The following CNOT2 variants were observed in gnomAD, a reference collection of about 807,000 sequenced individuals.
CNOT2 encodes the protein CC chemokine receptor 4-negative regulator of transcription 2.
CNOT2 carries 7 observed loss-of-function variants against 72.1 expected under a neutral mutation model. That is an observed-to-expected ratio of 0.10 (90% CI 0.06 to 0.18). The LOEUF (loss-of-function observed/expected upper bound fraction) is 0.18. Among genes scored for constraint, CNOT2 ranks in the 10% least tolerant of loss-of-function variants. CNOT2 has a pLI of 1.00. For missense variants in CNOT2, 345 were observed against 660.3 expected (o/e 0.52, Z 5.23); for synonymous variants, 196 against 225.6 (o/e 0.87, Z 1.17).
chr12:70,281,506 A>C (rs959212854), intron 2 of CNOT2, among the ~76,000 whole-genome samples: 1 of 152,058 alleles, frequency 6.6e-6, no homozygotes, highest in African/African-American at 2.4e-5. Context: ...TTTGTAGTAG[A>C]TTTTCCCATT....
chr12:70,327,263 T>G (rs978282951), intron 4 of CNOT2, among the ~76,000 whole-genome samples: 3 of 151,250 alleles, frequency 2.0e-5, no homozygotes, highest in Non-Finnish European at 2.9e-5. Flanking sequence ...GGTATGACGA[T>G]GAGAGAGAAA....
At chr12:70,337,125 T>C (rs745371152) in intron 8 of CNOT2, 27 of 235,212 alleles carry the variant, frequency 1.1e-4, no homozygotes, top group Non-Finnish European at 2.0e-4. Context: ...TAATCCAATA[T>C]CAAATTAAAT....
intron 15 of CNOT2, among the ~76,000 whole-genome samples, chr12:70,352,057 C>G (rs1222915928): frequency 6.6e-6 from 1 of 151,952 alleles, no homozygotes; most frequent in African/African-American, 2.4e-5. Context: ...TTTTCTTCAC[C>G]TTATACCAAG....
chr12:70,351,464 CA>C (rs1882855437), intron 15 of CNOT2, among the ~76,000 whole-genome samples: 1 of 152,136 alleles, frequency 6.6e-6, no homozygotes, highest in African/African-American at 2.4e-5. Context: ...ACGTGGAAGG[CA>C]AAATTTTACC....
chr12:70,260,815 G>C lies in CNOT2; in HGVS notation c.-95-17317G>C, dbSNP rs529398531. 5.0e-4 allele frequency among the ~76,000 whole-genome samples: 74 copies of C among 147,918 alleles called. 2 individuals carry two copies. The highest frequency in any genetic ancestry group is 1.8e-3 in the African/African-American group (73 of 40,506). On this transcript the variant is annotated intron_variant, in intron 1 of 15. Transcript: ENST00000229195. ...GATATCATGTAATCTGCAATTAGAG[G>C]TAGTTTCACTTCTTCTTTTCCAATC...
intron 4 of CNOT2, among the ~76,000 whole-genome samples, chr12:70,321,118 A>G (rs1003778227): frequency 6.6e-6 from 1 of 151,890 alleles, no homozygotes; most frequent in African/African-American, 2.4e-5. Context: ...AGTATATTAA[A>G]TAACTATATT....
rs1484044282 is a variant in CNOT2, at chr12:70,277,708, A to G, written c.-95-424A>G. On this transcript the variant is annotated intron_variant, in intron 1 of 15. Coordinates refer to ENST00000229195, the MANE Select transcript of CNOT2 (RefSeq NM_014515.7). Reference sequence around the variant, plus strand: ...GTGTGAATAACTTGTATTTCTATCTATCATATATAATCATTTGGAGGGGAA... The same window carrying G: ...GTGTGAATAACTTGTATTTCTATCTGTCATATATAATCATTTGGAGGGGAA... 3.3e-5 allele frequency among the ~76,000 whole-genome samples: 5 copies of G among 152,166 alleles called. No individual in the cohort carries two copies. The South Asian group carries it at 1.0e-3, about 32-fold the overall frequency.
At chr12:70,319,077 G>A (rs1877854856) in intron 3 of CNOT2, 1 of 362,856 alleles carries the variant, frequency 2.8e-6, no homozygotes, top group Non-Finnish European at 5.0e-6. Flanking sequence ...AAAACTTATA[G>A]TATTAAAAAT....
intron 14 of CNOT2, 49 bp from the exon 15 acceptor site, chr12:70,346,131 A>T (rs763898749): frequency 7.7e-7 from 1 of 1,292,366 alleles, no homozygotes; most frequent in Admixed American, 1.9e-5. Context: ...AACATGTTTG[A>T]TGTAAGCCAC....
intron 1 of CNOT2, among the ~76,000 whole-genome samples, chr12:70,257,541 T>G (rs1006574088): frequency 2.6e-5 from 4 of 151,636 alleles, no homozygotes; most frequent in African/African-American, 9.7e-5. Context: ...TTTGTATTTT[T>G]TTTTTTAAGT....
upstream of CNOT2, chr12:70,243,036 C>G (rs1308434830): frequency 6.6e-6 from 1 of 152,520 alleles, no homozygotes; most frequent in Non-Finnish European, 1.5e-5. Context: ...GCTCAGCGTC[C>G]CCGGGGAGGG....
chr12:70,251,581 G>C (rs1013188272), intron 1 of CNOT2, among the ~76,000 whole-genome samples: 1 of 152,154 alleles, frequency 6.6e-6, no homozygotes, highest in South Asian at 2.1e-4. Flanking sequence ...AAGCAGATTC[G>C]TGTTTCAGGG....
At chr12:70,300,573 G>A (rs1482501834) in intron 2 of CNOT2, among the ~76,000 whole-genome samples, 15 of 152,198 alleles carry the variant, frequency 9.9e-5, no homozygotes, top group Admixed American at 8.5e-4. Flanking sequence ...TGTTCCATTG[G>A]TCTGTATCTC....
At chr12:70,283,811 C>A (rs1335755962) in intron 2 of CNOT2, among the ~76,000 whole-genome samples, 3 of 151,802 alleles carry the variant, frequency 2.0e-5, no homozygotes, top group African/African-American at 7.3e-5. Context: ...CCTTTACTTG[C>A]ATTTATACAG....
chr12:70,300,657 G>A (rs1384883520), intron 2 of CNOT2, among the ~76,000 whole-genome samples: 1 of 152,172 alleles, frequency 6.6e-6, no homozygotes, highest in African/African-American at 2.4e-5. Flanking sequence ...GTAGCGTGAT[G>A]CCTCCAGCTT....
chr12:70,329,451 G>A lies in CNOT2; in HGVS notation c.267G>A (p.Met89Ile). 1 of 1,571,160 alleles carries A rather than the reference G, an allele frequency of 6.4e-7. No homozygotes were observed. The highest frequency in any genetic ancestry group is 8.8e-7 in the Non-Finnish European group (1 of 1,141,736). ...QSALGLPMRG[M>I]SNNTPQLNRS... ...CACTAGGCCTTCCAATGAGGGGGATGAGCAACAATACCCCTCAGTTAAATC... is the reference window on the plus strand; with the variant it reads ...CACTAGGCCTTCCAATGAGGGGGATAAGCAACAATACCCCTCAGTTAAATC... Residue 89 changes from methionine to isoleucine, a missense_variant, in exon 5 of 16, where the codon ATG (methionine) becomes ATA (isoleucine). By Grantham distance (10) the Met-to-Ile change is conservative. Transcript: ENST00000229195.
chr12:70,317,985 A>G (rs558231800), intron 3 of CNOT2, among the ~76,000 whole-genome samples: 2 of 152,008 alleles, frequency 1.3e-5, no homozygotes, highest in East Asian at 3.9e-4. Flanking sequence ...AGCCTCTGAT[A>G]GTTCTCTCTT....
At chr12:70,305,243 C>A (rs750777742) in intron 2 of CNOT2, among the ~76,000 whole-genome samples, 1 of 152,214 alleles carries the variant, frequency 6.6e-6, no homozygotes, top group Non-Finnish European at 1.5e-5. Flanking sequence ...ATGCAGAAAT[C>A]ACCCATCTTC....
At chr12:70,320,594 A>C (rs989673057) in intron 4 of CNOT2, among the ~76,000 whole-genome samples, 1 of 151,736 alleles carries the variant, frequency 6.6e-6, no homozygotes, top group Non-Finnish European at 1.5e-5. Context: ...TTGAAGGACT[A>C]TTATTAGCTA....
Sources: gnomAD v4.1 joint callset for allele counts (sites outside exome capture counted in the v4.1 genomes callset) on GRCh38, gnomAD v4.1.1 for gene constraint, MANE v1.5 for transcripts, NCBI Gene and HGNC (gene_info 2026-07-23, HGNC 2026-07-21) for gene names.